The following DNAH8 variants were observed in gnomAD, a reference collection of about 807,000 sequenced individuals.
DNAH8 encodes dynein axonemal heavy chain 8.
Under a neutral mutation model 562.1 loss-of-function variants are expected in DNAH8, and 382 were observed. That is an observed-to-expected ratio of 0.68 (90% CI 0.63 to 0.74). DNAH8 has a LOEUF of 0.74. DNAH8 is among the 30% of genes least tolerant of loss of function. The probability of loss-of-function intolerance (pLI) is 0.00; values close to 1 mark genes in which losing one functional copy is unlikely to be tolerated. For missense variants in DNAH8, 5,203 were observed against 5,620.4 expected, an observed-to-expected ratio of 0.93 and a Z score of 2.37; for synonymous variants, 1,881 against 1,919.4, an observed-to-expected ratio of 0.98 and a Z score of 0.52.
Position 38,990,027 on chromosome 6 carries a change from A to G in DNAH8, c.13069A>G (p.Lys4357Glu), listed in dbSNP as rs139250593. The change falls in exon 88 of 93, where the codon AAG (lysine) becomes GAG (glutamate). Residue 4357 changes from lysine to glutamate, a missense_variant. Physicochemically the swap from Lys to Glu is moderately conservative, Grantham distance 56. Coordinates refer to ENST00000327475, the MANE Select transcript of DNAH8 (RefSeq NM_001206927.2). ...NCFARVWFSE[K>E]MFEPSFCFYT... Reference sequence around the variant, plus strand: ...TCACATACAGGTCTGGTTCAGTGAGAAGATGTTTGAACCGTCATTCTGCTT... The same window carrying G: ...TCACATACAGGTCTGGTTCAGTGAGGAGATGTTTGAACCGTCATTCTGCTT... The G allele has an allele frequency of 4.6e-5, 74 of 1,595,450 alleles. 1 individual carries two copies. In the East Asian group the frequency reaches 1.7e-3, roughly 36 times the overall value.
At chr6:38,780,156 T>C in intron 15 of DNAH8, 91 bp downstream of exon 15, 3 of 1,220,190 alleles carry the variant, frequency 2.5e-6, no homozygotes. Context: ...ATGCCAAGCT[T>C]TTCAGAGTGA....
intron 9 of DNAH8, 125 bp downstream of exon 9, chr6:38,750,714 A>G (rs1765367934): frequency 2.0e-6 from 1 of 489,758 alleles, no homozygotes; most frequent in Non-Finnish European, 3.6e-6. Flanking sequence ...GCAGTGAGCT[A>G]TGGTTGTGCC....
At chr6:38,780,452 A>G (rs779321366) in intron 15 of DNAH8, among the ~76,000 whole-genome samples, 98 of 152,206 alleles carry the variant, frequency 6.4e-4, no homozygotes, top group Admixed American at 2.2e-3. Flanking sequence ...ATGCCCATCA[A>G]TGGTAGACTG....
chr6:38,876,130 C>T (rs901903524), intron 53 of DNAH8, among the ~76,000 whole-genome samples: 3 of 152,176 alleles, frequency 2.0e-5, no homozygotes, highest in African/African-American at 4.8e-5. Context: ...AAGGTAGCAG[C>T]GTGGAGAACA....
At chr6:38,853,146 A>T (rs947529741) in intron 40 of DNAH8, 40 bp from the exon 41 acceptor site, 1 of 1,535,832 alleles carries the variant, frequency 6.5e-7, no homozygotes, top group Non-Finnish European at 8.9e-7. Context: ...AAAATGCCAA[A>T]TTATTATCAA....
chr6:38,846,184 C>A (rs1264521691), intron 36 of DNAH8, among the ~76,000 whole-genome samples: 1 of 152,174 alleles, frequency 6.6e-6, no homozygotes, highest in African/African-American at 2.4e-5. Flanking sequence ...TGAGAGCAAT[C>A]TACCACTACA....
At chr6:39,005,193 C>A (rs1315193971) in intron 88 of DNAH8, among the ~76,000 whole-genome samples, 3 of 152,132 alleles carry the variant, frequency 2.0e-5, no homozygotes, top group African/African-American at 7.2e-5. Context: ...GGGTGAATTG[C>A]CTGAGCTCAG....
At chr6:38,911,228 C>T (rs971541476) in intron 65 of DNAH8, among the ~76,000 whole-genome samples, 2 of 152,174 alleles carry the variant, frequency 1.3e-5, no homozygotes, top group Admixed American at 6.5e-5. Context: ...ATTCTTTTCT[C>T]TATTTTCCAG....
intron 16 of DNAH8, 28 bp from the exon 17 acceptor site, chr6:38,782,976 A>G (rs761760181): frequency 6.3e-7 from 1 of 1,595,506 alleles, no homozygotes; most frequent in Non-Finnish European, 8.6e-7. Context: ...CAGTCTTTTA[A>G]AGTAAATCTT....
intron 9 of DNAH8, among the ~76,000 whole-genome samples, 179 bp from the exon 10 acceptor site, chr6:38,755,793 T>C (rs1187146259): frequency 6.6e-6 from 1 of 152,216 alleles, no homozygotes; most frequent in Non-Finnish European, 1.5e-5. Flanking sequence ...TCAAAACTAA[T>C]GTCCTGTTAT....
chr6:38,935,406 T>TA (rs1782870575), intron 76 of DNAH8, among the ~76,000 whole-genome samples, 186 bp from the exon 77 acceptor site: 1 of 152,166 alleles, frequency 6.6e-6, no homozygotes, highest in South Asian at 2.1e-4. Flanking sequence ...GGCATAATTT[T>TA]AAAAAAATTT....
intron 42 of DNAH8, among the ~76,000 whole-genome samples, chr6:38,858,175 A>G (rs1431179559): frequency 1.3e-5 from 2 of 152,184 alleles, no homozygotes; most frequent in Admixed American, 6.5e-5. Flanking sequence ...AAGTGTTTGA[A>G]TTCCTTTAGA....
intron 49 of DNAH8, among the ~76,000 whole-genome samples, 185 bp from the exon 50 acceptor site, chr6:38,872,351 G>A (rs1355116002): frequency 6.6e-6 from 1 of 152,064 alleles, no homozygotes; most frequent in Non-Finnish European, 1.5e-5. Context: ...AGCACATATC[G>A]TTTTATAACG....
chr6:38,851,551 T>C, intron 38 of DNAH8, 21 bp from the exon 39 acceptor site: 7 of 1,500,678 alleles, frequency 4.7e-6, no homozygotes, highest in Non-Finnish European at 6.4e-6. Context: ...CTTGGTAACA[T>C]ACTGTCGACT....
chr6:38,796,814 G>A lies in DNAH8; in HGVS notation c.2901+5140G>A, dbSNP rs1022552326. Among the ~76,000 whole-genome samples the A allele has an allele frequency of 7.9e-5, 12 of 152,066 alleles. No homozygotes were observed. In the Middle Eastern group the frequency reaches 0.01, roughly 129 times the overall value. On this transcript the variant is annotated intron_variant, in intron 21 of 92. Coordinates refer to ENST00000327475, the MANE Select transcript of DNAH8 (RefSeq NM_001206927.2). ...CGGTTTTTGGAGACATGAGCCCGCCGATGCTCCCAGTTGAATAAAGCCCTT... is the reference window on the plus strand; with the variant it reads ...CGGTTTTTGGAGACATGAGCCCGCCAATGCTCCCAGTTGAATAAAGCCCTT...
At chr6:38,870,353 T>C (rs369099146) in intron 48 of DNAH8, 48 bp from the exon 49 acceptor site, 2 of 1,567,546 alleles carry the variant, frequency 1.3e-6, no homozygotes, top group Admixed American at 3.4e-5. Flanking sequence ...AGCTGATAAA[T>C]GTTTGTTGAC....
At position 39,026,553 on chromosome 6, in the gene DNAH8, C is replaced by T. The variant is rs45600141; in HGVS notation, c.13722C>T (p.Leu4574=). The change falls in exon 92 of 93, where the codon CTC becomes CTT. Residue 4574 remains leucine, a synonymous_variant. Coordinates refer to ENST00000327475, the MANE Select transcript of DNAH8 (RefSeq NM_001206927.2). ...CTTCTTTTTTTCTTTAAGGCTTCCT[C>T]ACAGCAATGAGGCAAGAAGTGACCC... is the stretch of plus-strand genomic sequence containing the variant. The part of the protein sequence containing the change: ...MTGFFNPQGF[L]TAMRQEVTRA... 4.4e-6 allele frequency: 7 copies of T among 1,608,258 alleles called. No individual in the cohort carries two copies. The highest frequency in any genetic ancestry group is 1.3e-5 in the African/African-American group (1 of 74,626).
At chr6:38,721,175 G>A (rs1326018407) in intron 1 of DNAH8, among the ~76,000 whole-genome samples, 3 of 152,142 alleles carry the variant, frequency 2.0e-5, no homozygotes, top group Non-Finnish European at 2.9e-5. Flanking sequence ...AATTAGGCAT[G>A]TATCGTGGTG....
chr6:38,815,592 T>C lies in DNAH8; in HGVS notation c.3458T>C (p.Ile1153Thr). 1 of 1,613,984 alleles carries C rather than the reference T, an allele frequency of 6.2e-7. No homozygotes were observed. Among genetic ancestry groups the C allele is most frequent in the Non-Finnish European group, 8.5e-7 (1 of 1,179,940 alleles). Reference protein sequence around the residue: ...QQQIRPIKSVIPSPTTTDVTH... With the variant: ...QQQIRPIKSVTPSPTTTDVTH... ...CAAATCCGTCCCATCAAGTCTGTCA[T>C]TCCCAGCCCCACCACTACTGACGTG... The change falls in exon 26 of 93, where the codon ATT (isoleucine) becomes ACT (threonine). Residue 1153 changes from isoleucine (I) to threonine (T), a missense_variant. By Grantham distance (89) the Ile-to-Thr change is moderately conservative. This residue lies in a region of DNAH8 where 2,176 missense variants were observed against 2,365.1 expected (regional missense o/e 0.92). Coordinates refer to ENST00000327475, the MANE Select transcript of DNAH8 (RefSeq NM_001206927.2).
Sources: gnomAD v4.1 joint callset for allele counts (sites outside exome capture counted in the v4.1 genomes callset) on GRCh38, gnomAD v4.1.1 for gene constraint, gnomAD v4.1.1 regional missense constraint, MANE v1.5 for transcripts, NCBI Gene and HGNC (gene_info 2026-07-23, HGNC 2026-07-21) for gene names.